The following NR3C2 variants were observed in gnomAD, a reference collection of about 807,000 sequenced individuals.
NR3C2 encodes the protein mineralocorticoid receptor.
Under a neutral mutation model 86.4 loss-of-function variants are expected in NR3C2, and 15 were observed. The ratio of observed to expected loss-of-function variants is 0.17; its 90% CI spans 0.12 to 0.27. The LOEUF (loss-of-function observed/expected upper bound fraction) is 0.27. NR3C2 is among the 10% of genes least tolerant of loss of function. The pLI, the probability that NR3C2 is intolerant of heterozygous loss-of-function variation, is 1.00. For missense variants in NR3C2, 960 were observed against 1,195.6 expected (o/e 0.80, Z 2.91); for synonymous variants, 458 against 450.5 (o/e 1.02, Z -0.21).
chr4:148,190,089 T>TGGTTTTCTTCTGCTG, intron 4 of NR3C2, among the ~76,000 whole-genome samples: 1 of 152,264 alleles, frequency 6.6e-6, no homozygotes, highest in Middle Eastern at 3.4e-3. Context: ...GGTTTGGGTT[T>TGGTTTTCTTCTGCTG]GGTTTGTTCT....
chr4:148,103,518 T>C (rs1241390436), intron 8 of NR3C2, among the ~76,000 whole-genome samples: 1 of 152,088 alleles, frequency 6.6e-6, no homozygotes, highest in Admixed American at 6.5e-5. Flanking sequence ...TTTAGAAGGG[T>C]AACTGACAGA....
chr4:148,353,534 C>G (rs961449370), intron 2 of NR3C2, among the ~76,000 whole-genome samples: 3 of 151,956 alleles, frequency 2.0e-5, no homozygotes, highest in African/African-American at 7.3e-5. Flanking sequence ...TTACTAAAGG[C>G]TTACACAAAA....
chr4:148,422,231 C>G (rs1211762192), intron 2 of NR3C2, among the ~76,000 whole-genome samples: 1 of 151,852 alleles, frequency 6.6e-6, no homozygotes, highest in African/African-American at 2.4e-5. Context: ...ATATAGAAAG[C>G]CCAGAATGCT....
chr4:148,386,973 T>C (rs974347779), intron 2 of NR3C2, among the ~76,000 whole-genome samples: 1 of 152,132 alleles, frequency 6.6e-6, no homozygotes, highest in African/African-American at 2.4e-5. Flanking sequence ...CTAACCTCCT[T>C]TTTTCTTAGT....
intron 2 of NR3C2, among the ~76,000 whole-genome samples, chr4:148,272,644 A>G (rs1363993196): frequency 6.6e-6 from 1 of 152,234 alleles, no homozygotes; most frequent in Middle Eastern, 3.2e-3. Context: ...CTTAAAAACG[A>G]TAACTGTTAA....
intron 4 of NR3C2, among the ~76,000 whole-genome samples, chr4:148,177,081 G>C (rs147874568): frequency 1.6e-4 from 25 of 152,092 alleles, no homozygotes; most frequent in Non-Finnish European, 2.9e-5. Context: ...TACTAACTCG[G>C]CTTTTAAGAA....
intron 4 of NR3C2, among the ~76,000 whole-genome samples, chr4:148,179,577 A>G (rs946051444): frequency 1.3e-5 from 2 of 151,802 alleles, no homozygotes; most frequent in African/African-American, 4.8e-5. Context: ...TTGGCATTCA[A>G]TGCCTGCACT....
rs902332052 is a variant in NR3C2 at position 148,322,708 on chromosome 4, G to A, written c.1758-62591C>T. Among the ~76,000 whole-genome samples, 994 of 117,766 alleles carry A rather than the reference G, an allele frequency of 8.4e-3. 19 individuals carry two copies. Among genetic ancestry groups the A allele is most frequent in the African/African-American group, 0.032 (903 of 28,526 alleles). 77.3% of individuals were successfully genotyped at this position (117,766 alleles called of 152,430 possible). A position where few individuals can be genotyped will look rare whatever the true frequency, so the allele number is the denominator to read the frequency against. ...CTTCTGCATTCTTCACGTAGTTCTC[G>A]AGCCTTGGTTTTCAGCTCCATCAGC... On this transcript the variant is annotated intron_variant, in intron 2 of 8. Coordinates refer to ENST00000358102, the MANE Select transcript of NR3C2 (RefSeq NM_000901.5).
chr4:148,293,997 G>T (rs148545505), intron 2 of NR3C2, among the ~76,000 whole-genome samples: 1 of 152,234 alleles, frequency 6.6e-6, no homozygotes, highest in African/African-American at 2.4e-5. Flanking sequence ...ACTCAAAGCT[G>T]CTCTTCTCAA....
At chr4:148,095,316 C>A (rs897963669) in intron 8 of NR3C2, among the ~76,000 whole-genome samples, 1 of 152,224 alleles carries the variant, frequency 6.6e-6, no homozygotes, top group Non-Finnish European at 1.5e-5. Flanking sequence ...TGTCTGGTTA[C>A]GGCTCAGCAA....
intron 8 of NR3C2, among the ~76,000 whole-genome samples, chr4:148,093,057 A>G (rs1731129386): frequency 1.3e-5 from 2 of 152,214 alleles, no homozygotes; most frequent in African/African-American, 4.8e-5. Context: ...AGATTTATGC[A>G]TTGACTTTTC....
intron 3 of NR3C2, among the ~76,000 whole-genome samples, chr4:148,224,856 A>G (rs1202701812): frequency 6.6e-6 from 1 of 152,206 alleles, no homozygotes; most frequent in Non-Finnish European, 1.5e-5. Flanking sequence ...AAATTAACAA[A>G]TGTTTATTTT....
intron 3 of NR3C2, among the ~76,000 whole-genome samples, chr4:148,233,333 T>C (rs747486471): frequency 1.7e-4 from 25 of 151,226 alleles, no homozygotes; most frequent in Non-Finnish European, 3.5e-4. Flanking sequence ...TTAGAGGCCA[T>C]TGTTGGATTA....
At chr4:148,195,400 A>T (rs1468922637) in intron 3 of NR3C2, among the ~76,000 whole-genome samples, 1 of 152,248 alleles carries the variant, frequency 6.6e-6, no homozygotes, top group African/African-American at 2.4e-5. Flanking sequence ...TTGGCAAAAT[A>T]TGAAATTGTA....
chr4:148,214,796 G>A (rs1253784552), intron 3 of NR3C2, among the ~76,000 whole-genome samples: 3 of 152,234 alleles, frequency 2.0e-5, no homozygotes, highest in African/African-American at 7.2e-5. Context: ...TACTTCAGGA[G>A]AGGCTGGACG....
chr4:148,140,405 G>A (rs1233352773), intron 6 of NR3C2, among the ~76,000 whole-genome samples: 3 of 152,104 alleles, frequency 2.0e-5, no homozygotes, highest in East Asian at 1.9e-4. Flanking sequence ...TTGGTGGCAC[G>A]TGCCTGTAGT....
chr4:148,314,798 CATCT>C (rs1178474663), intron 2 of NR3C2, among the ~76,000 whole-genome samples: 3 of 152,100 alleles, frequency 2.0e-5, no homozygotes, highest in Non-Finnish European at 2.9e-5. Flanking sequence ...GCAAATTCTA[CATCT>C]ATTTCTGATA....
At chr4:148,359,939 G>A (rs1023604176) in intron 2 of NR3C2, among the ~76,000 whole-genome samples, 6 of 152,184 alleles carry the variant, frequency 3.9e-5, no homozygotes, top group African/African-American at 1.4e-4. Context: ...GCAGGAATAG[G>A]TGCAAATAAG....
chr4:148,372,974 C>T (rs192799182), intron 2 of NR3C2, among the ~76,000 whole-genome samples: 51 of 152,330 alleles, frequency 3.3e-4, no homozygotes, highest in Middle Eastern at 3.4e-3. Context: ...CACACATACA[C>T]ATACCCAAGA....
Sources: allele counts gnomAD v4.1 joint callset (sites outside exome capture counted in the v4.1 genomes callset), GRCh38; gene constraint gnomAD v4.1.1; transcripts MANE v1.5; gene names NCBI Gene and HGNC (gene_info 2026-07-23, HGNC 2026-07-21).